ARHGAP26: variants seen among roughly 807,000 people sequenced by gnomAD.
ARHGAP26 encodes the protein rho GTPase-activating protein 26.
A neutral mutation model predicts 104.8 loss-of-function variants in ARHGAP26; 38 were observed. That is an observed-to-expected ratio of 0.36 (90% CI 0.28 to 0.48). ARHGAP26 has a LOEUF of 0.48. Ranked by LOEUF, ARHGAP26 falls within the 20% of genes least tolerant of loss-of-function variation. The pLI is 0.99. For missense variants in ARHGAP26, 704 were observed against 947.9 expected (o/e 0.74, Z 3.38); for synonymous variants, 341 against 340.0 (o/e 1.00, Z -0.03).
chr5:143,124,799 C>T (rs891409291), intron 18 of ARHGAP26, among the ~76,000 whole-genome samples: 2 of 152,138 alleles, frequency 1.3e-5, no homozygotes, highest in South Asian at 2.1e-4. Context: ...TGCACACAGG[C>T]GTGGGAGGAT....
At chr5:142,807,498 A>G (rs545637179) in intron 1 of ARHGAP26, among the ~76,000 whole-genome samples, 1 of 152,294 alleles carries the variant, frequency 6.6e-6, no homozygotes, top group East Asian at 1.9e-4. Flanking sequence ...CTGGGAATGG[A>G]TTCTGCAGGC....
chr5:142,783,153 CT>C (rs1757855659), intron 1 of ARHGAP26, among the ~76,000 whole-genome samples: 1 of 152,232 alleles, frequency 6.6e-6, no homozygotes, highest in South Asian at 2.1e-4. Context: ...GCTCTCCAGC[CT>C]CGTGGGCACA....
intron 20 of ARHGAP26, among the ~76,000 whole-genome samples, chr5:143,200,839 G>A (rs1807608845): frequency 6.6e-6 from 1 of 152,230 alleles, no homozygotes; most frequent in African/African-American, 2.4e-5. Context: ...GGAGATCAGA[G>A]AGGGTCTGCC....
chr5:142,917,256 C>T (rs987375826), intron 10 of ARHGAP26, among the ~76,000 whole-genome samples: 13 of 152,138 alleles, frequency 8.5e-5, no homozygotes, highest in Admixed American at 3.9e-4. Flanking sequence ...CCAGGCTGGT[C>T]TTGAACTACT....
intron 20 of ARHGAP26, among the ~76,000 whole-genome samples, chr5:143,168,044 TG>T (rs1802251675): frequency 6.6e-6 from 1 of 152,194 alleles, no homozygotes; most frequent in Non-Finnish European, 1.5e-5. Flanking sequence ...GAGATGACTT[TG>T]AACTGGGATG....
intron 12 of ARHGAP26, among the ~76,000 whole-genome samples, chr5:143,023,686 T>TC (rs1425035563): frequency 6.6e-6 from 1 of 152,082 alleles, no homozygotes; most frequent in African/African-American, 2.4e-5. Flanking sequence ...ATAGAACATT[T>TC]CCCCTTTTAA....
intron 17 of ARHGAP26, among the ~76,000 whole-genome samples, chr5:143,059,825 A>G (rs147132754): frequency 9.7e-4 from 148 of 152,320 alleles, no homozygotes; most frequent in African/African-American, 2.9e-3. Flanking sequence ...CCTGTAGACA[A>G]GCTCTCATGC....
chr5:143,218,192 A>G (rs928957363), intron 22 of ARHGAP26, among the ~76,000 whole-genome samples: 1 of 152,206 alleles, frequency 6.6e-6, no homozygotes, highest in African/African-American at 2.4e-5. Flanking sequence ...GAGGCCCTTT[A>G]AGAAATAGAT....
intron 17 of ARHGAP26, among the ~76,000 whole-genome samples, chr5:143,066,045 A>G (rs1787431499): frequency 1.3e-5 from 2 of 152,224 alleles, no homozygotes; most frequent in Admixed American, 1.3e-4. Context: ...CATGCGCCAC[A>G]TAACAACGTG....
chr5:143,212,567 C>A (rs1809643197), intron 21 of ARHGAP26, among the ~76,000 whole-genome samples: 1 of 152,132 alleles, frequency 6.6e-6, no homozygotes, highest in African/African-American at 2.4e-5. Context: ...CCTTTGTTCC[C>A]AGGGGTCCCA....
intron 17 of ARHGAP26, among the ~76,000 whole-genome samples, chr5:143,090,893 GC>G (rs1051001612): frequency 6.6e-6 from 1 of 152,176 alleles, no homozygotes; most frequent in African/African-American, 2.4e-5. Context: ...ATTCACTAAT[GC>G]CCAGTCTTAG....
intron 18 of ARHGAP26, among the ~76,000 whole-genome samples, chr5:143,122,630 T>C (rs778665467): frequency 8.5e-5 from 13 of 152,212 alleles, no homozygotes; most frequent in Admixed American, 2.0e-4. Flanking sequence ...GGAGGTTGGC[T>C]TTATAGACAG....
At chr5:143,196,177 C>T (rs56117738) in intron 20 of ARHGAP26, among the ~76,000 whole-genome samples, 1,804 of 151,936 alleles carry the variant, frequency 0.012, 36 homozygotes, top group African/African-American at 0.041. Flanking sequence ...GTAACCACCC[C>T]CTCACCCCCC....
chr5:143,003,497 C>T (rs1013858305), intron 11 of ARHGAP26, among the ~76,000 whole-genome samples: 5 of 152,076 alleles, frequency 3.3e-5, no homozygotes, highest in African/African-American at 7.2e-5. Flanking sequence ...ATTTAGATGC[C>T]GCATAGATCA....
At chr5:143,142,804 T>C (rs2150957933) in intron 19 of ARHGAP26, among the ~76,000 whole-genome samples, 1 of 152,358 alleles carries the variant, frequency 6.6e-6, no homozygotes, top group Admixed American at 6.5e-5. Context: ...TGCTGTGCTA[T>C]TATCATCCCA....
chr5:142,796,005 T>C (rs12520023), intron 1 of ARHGAP26, among the ~76,000 whole-genome samples: 9,627 of 152,088 alleles, frequency 0.063, 638 homozygotes, highest in East Asian at 0.18. Flanking sequence ...ATAGTACTTA[T>C]CTTGTTTTAA....
In ARHGAP26 at chr5:143,033,661, G is replaced by C. The variant is rs141964978; in HGVS notation, c.1145-3535G>C. 1.2e-3 allele frequency among the ~76,000 whole-genome samples: 187 copies of C among 152,200 alleles called. 1 individual carries two copies. Among genetic ancestry groups the C allele is most frequent in the African/African-American group, 4.3e-3 (177 of 41,512 alleles). On this transcript the variant is annotated intron_variant, in intron 12 of 22. Coordinates refer to ENST00000645722, the MANE Select transcript of ARHGAP26 (RefSeq NM_001135608.3). ...GGTAAAGAAATAGCCTTTGTCTAGG[G>C]CAGAAGTTCGTCAATGCCTAGAATA...
At chr5:143,091,408 A>C (rs1206012845) in intron 17 of ARHGAP26, among the ~76,000 whole-genome samples, 1 of 152,186 alleles carries the variant, frequency 6.6e-6, no homozygotes, top group African/African-American at 2.4e-5. Context: ...CAAGTATATA[A>C]TTTCTAAGAA....
chr5:143,132,756 T>C (rs1797499395), intron 18 of ARHGAP26, among the ~76,000 whole-genome samples: 1 of 152,034 alleles, frequency 6.6e-6, no homozygotes. Context: ...CCTCCTTCAC[T>C]GTTAGACCCA....
Sources: allele counts gnomAD v4.1 joint callset (sites outside exome capture counted in the v4.1 genomes callset), GRCh38; gene constraint gnomAD v4.1.1; transcripts MANE v1.5; gene names NCBI Gene and HGNC (gene_info 2026-07-23, HGNC 2026-07-21).